Variants in ERG observed in about 807,000 individuals in gnomAD.
The protein encoded by ERG is ETS transcription factor ERG.
Under a neutral mutation model 55.3 loss-of-function variants are expected in ERG, and 9 were observed. The ratio of observed to expected loss-of-function variants is 0.16; its 90% CI spans 0.10 to 0.28. The LOEUF is 0.28. Ranked by LOEUF, ERG falls within the 10% of genes least tolerant of loss-of-function variation. The probability of loss-of-function intolerance (pLI) is 1.00; values close to 1 mark genes in which losing one functional copy is unlikely to be tolerated. For synonymous variants in ERG, 223 were observed against 237.3 expected, an observed-to-expected ratio of 0.94 and a Z score of 0.55; for missense variants, 434 against 631.6, an observed-to-expected ratio of 0.69 and a Z score of 3.35.
intron 2 of ERG, among the ~76,000 whole-genome samples, chr21:38,573,625 T>C (rs529152426): frequency 1.3e-5 from 2 of 152,206 alleles, no homozygotes; most frequent in Non-Finnish European, 2.9e-5. Flanking sequence ...TCACATGTTT[T>C]TTGCTGACCT....
At chr21:38,516,470 CA>C (rs2059552572) in intron 2 of ERG, among the ~76,000 whole-genome samples, 1 of 151,808 alleles carries the variant, frequency 6.6e-6, no homozygotes, top group Admixed American at 6.6e-5. Context: ...GAAAAGGACA[CA>C]AACAAATGAA....
intron 1 of ERG, among the ~76,000 whole-genome samples, chr21:38,476,778 A>C (rs1460035709): frequency 2.0e-5 from 3 of 152,162 alleles, no homozygotes; most frequent in African/African-American, 7.2e-5. Context: ...GTGCACCAAC[A>C]ACAACGTTTA....
At chr21:38,498,590 A>G, upstream of ERG, 1 of 990,286 alleles carries the variant, frequency 1.0e-6, no homozygotes, top group Non-Finnish European at 1.3e-6. The surrounding 1 kb of genome is among the most constrained non-coding windows in gnomAD (Gnocchi z 4.6). Context: ...GAGATAAGAG[A>G]CCCTGAAAAC....
rs891027819 is a variant in ERG, at chr21:38,580,203, T to C, written c.-126-4456A>G. 7.2e-5 allele frequency among the ~76,000 whole-genome samples: 11 copies of C among 152,312 alleles called. No homozygotes were observed. The South Asian group carries it at 2.3e-3, about 32-fold the overall frequency. ...CTCCTGACCTCGTGATCCACCCACG[T>C]TGGCCTCCCAAAGTGCTGGGATTAC... is the stretch of plus-strand genomic sequence containing the variant. On this transcript the variant is annotated intron_variant, in intron 1 of 8. Transcript: ENST00000398897.
intron 2 of ERG, among the ~76,000 whole-genome samples, chr21:38,431,480 T>C (rs975527419): frequency 6.6e-6 from 1 of 152,078 alleles, no homozygotes; most frequent in Non-Finnish European, 1.5e-5. Flanking sequence ...CTTATAAAAA[T>C]ACATATAAGA....
chr21:38,464,803 G>T (rs1451517554), intron 1 of ERG, among the ~76,000 whole-genome samples: 1 of 151,844 alleles, frequency 6.6e-6, no homozygotes, highest in Non-Finnish European at 1.5e-5. Flanking sequence ...TTATTAGTGA[G>T]AACATGTGGT....
chr21:38,576,154 C>T (rs1184340181), intron 1 of ERG, among the ~76,000 whole-genome samples: 5 of 152,150 alleles, frequency 3.3e-5, no homozygotes, highest in Admixed American at 6.5e-5. Flanking sequence ...AAAACTCATG[C>T]GATCTGCACA....
chr21:38,646,836 A>C (rs2060459848), intron 1 of ERG, among the ~76,000 whole-genome samples: 1 of 152,114 alleles, frequency 6.6e-6, no homozygotes, highest in African/African-American at 2.4e-5. Context: ...TGGAGGGGAA[A>C]GATCAGAGTC....
chr21:38,551,734 T>C (rs1405901197), intron 2 of ERG, among the ~76,000 whole-genome samples: 2 of 152,204 alleles, frequency 1.3e-5, no homozygotes, highest in Non-Finnish European at 2.9e-5. Flanking sequence ...TTTTTTTCAT[T>C]TGTTGCAAAT....
chr21:38,596,847 T>A (rs2037511820), intron 1 of ERG, among the ~76,000 whole-genome samples: 1 of 152,136 alleles, frequency 6.6e-6, no homozygotes, highest in Admixed American at 6.5e-5. Context: ...CCCACAGTGG[T>A]GTTTAAGGCA....
upstream of ERG, among the ~76,000 whole-genome samples, chr21:38,585,616 T>C (rs1357460566): frequency 1.4e-5 from 2 of 142,120 alleles, no homozygotes; most frequent in South Asian, 2.3e-4. Context: ...CCAAATAATA[T>C]ATTTAGTAGA....
intron 8 of ERG, 28 bp downstream of exon 8, chr21:38,391,631 G>A (rs751212635): frequency 5.4e-5 from 86 of 1,583,892 alleles, no homozygotes; most frequent in Non-Finnish European, 7.0e-5. Flanking sequence ...CTTCTCTTAT[G>A]GTTATCCAGA....
At chr21:38,494,498 T>A (rs536194945) in intron 1 of ERG, among the ~76,000 whole-genome samples, 1 of 152,242 alleles carries the variant, frequency 6.6e-6, no homozygotes, top group Non-Finnish European at 1.5e-5. Flanking sequence ...GGAATCTTAT[T>A]CTAAAGTTCT....
intron 3 of ERG, among the ~76,000 whole-genome samples, chr21:38,420,557 C>T (rs1399849403): frequency 2.0e-5 from 3 of 152,188 alleles, no homozygotes; most frequent in African/African-American, 7.2e-5. Context: ...GCAGAGCTAT[C>T]CTTGCATCCA....
intron 8 of ERG, 30 bp downstream of exon 8, chr21:38,391,629 A>C: frequency 1.3e-6 from 2 of 1,576,466 alleles, no homozygotes; most frequent in East Asian, 2.2e-5. Context: ...ATCTTCTCTT[A>C]TGGTTATCCA....
At chr21:38,640,162 GAAAATCAATGA>G (rs2060415191) in intron 1 of ERG, among the ~76,000 whole-genome samples, 1 of 152,058 alleles carries the variant, frequency 6.6e-6, no homozygotes. Context: ...GAAAATCATT[GAAAATCAATGA>G]AAAATCAATT....
chr21:38,542,065 C>T (rs2059756757), intron 2 of ERG, among the ~76,000 whole-genome samples: 1 of 152,068 alleles, frequency 6.6e-6, no homozygotes, highest in African/African-American at 2.4e-5. Flanking sequence ...GGCTGGAGTG[C>T]AGTGGCGTGT....
chr21:38,486,435 T>C (rs371623017), intron 1 of ERG, among the ~76,000 whole-genome samples: 1 of 152,288 alleles, frequency 6.6e-6, no homozygotes, highest in African/African-American at 2.4e-5. Flanking sequence ...TTTGTGATGT[T>C]TGCACGATGA....
At chr21:38,424,810 C>T (rs1430572095) in intron 2 of ERG, among the ~76,000 whole-genome samples, 2 of 152,046 alleles carry the variant, frequency 1.3e-5, no homozygotes, top group South Asian at 2.1e-4. Flanking sequence ...TGAGGACTGA[C>T]GCTAGGGGAG....
Sources: allele counts gnomAD v4.1 joint callset (sites outside exome capture counted in the v4.1 genomes callset), GRCh38; gene constraint gnomAD v4.1.1; non-coding constraint Gnocchi (gnomAD v3.1); transcripts MANE v1.5; gene names NCBI Gene and HGNC (gene_info 2026-07-23, HGNC 2026-07-21).